Variants in GCNT2 observed in about 807,000 individuals in gnomAD.
The protein encoded by GCNT2 is N-acetyllactosaminide beta-1,6-N-acetylglucosaminyl-transferase.
GCNT2 carries 34 observed loss-of-function variants against 34.2 expected under a neutral mutation model. The ratio of observed to expected loss-of-function variants is 1.00; its 90% CI spans 0.76 to 1.32. The LOEUF (loss-of-function observed/expected upper bound fraction) is 1.32, where lower values mean the gene tolerates loss of function less well. Among genes scored for constraint, GCNT2 ranks in the 40% most tolerant of loss-of-function variants. GCNT2 has a pLI of 0.00. For missense variants in GCNT2, 584 were observed against 489.4 expected (o/e 1.19, Z -1.82); for synonymous variants, 212 against 188.0 (o/e 1.13, Z -1.04).
At chr6:10,574,281 G>A (rs981917412) in intron 3 of GCNT2, among the ~76,000 whole-genome samples, 1 of 152,164 alleles carries the variant, frequency 6.6e-6, no homozygotes, top group African/African-American at 2.4e-5. Flanking sequence ...ACCAGTTTCG[G>A]TGGGCATCAG....
intron 3 of GCNT2, chr6:10,575,358 A>ATTT (rs55639937): frequency 2.6e-4 from 36 of 137,986 alleles, no homozygotes; most frequent in Admixed American, 1.7e-3. Context: ...CTGGGTTGAC[A>ATTT]TTTTTTTTTT....
chr6:10,529,593 C>A lies in GCNT2; in HGVS notation c.682C>A (p.Arg228=), dbSNP rs758159782. 2.5e-6 allele frequency: 4 copies of A among 1,613,996 alleles called. No individual in the cohort carries two copies. Among genetic ancestry groups the A allele is most frequent in the South Asian group, 1.1e-5 (1 of 91,074 alleles). The part of the protein sequence containing the change: ...GVLPPDHAVG[R]TKYVHQELLN... Reference sequence around the variant, plus strand: ...GCTGCCTCCTGACCACGCTGTTGGACGGACTAAATACGTCCACCAAGAACT... The same window carrying A: ...GCTGCCTCCTGACCACGCTGTTGGAAGGACTAAATACGTCCACCAAGAACT... The change falls in exon 3 of 5, where the codon CGG becomes AGG. Residue 228 remains arginine, a synonymous_variant. Transcript: ENST00000495262.
chr6:10,573,968 C>CT (rs1350834761), intron 3 of GCNT2, among the ~76,000 whole-genome samples: 1 of 152,354 alleles, frequency 6.6e-6, no homozygotes, highest in Admixed American at 6.5e-5. Flanking sequence ...GGTCAGGGTG[C>CT]TCAGGGGCCC....
intron 3 of GCNT2, among the ~76,000 whole-genome samples, chr6:10,563,777 A>AATATATATATATATATATAT (rs70991026): frequency 8.1e-5 from 2 of 24,710 alleles, no homozygotes; most frequent in Non-Finnish European, 1.5e-4. Flanking sequence ...AAAAAAAAAA[A>AATATATATATATATATATAT]ATATATATAT....
intron 1 of GCNT2, among the ~76,000 whole-genome samples, chr6:10,522,896 C>T (rs1760986328): frequency 6.6e-6 from 1 of 152,146 alleles, no homozygotes; most frequent in Admixed American, 6.5e-5. Context: ...ATCCTCAACT[C>T]CAGGGTAACT....
intron 3 of GCNT2, among the ~76,000 whole-genome samples, chr6:10,554,731 G>A (rs191284343): frequency 1.3e-5 from 2 of 152,226 alleles, no homozygotes; most frequent in East Asian, 1.9e-4. Flanking sequence ...CTCTTTGCTC[G>A]ATTCCATAGA....
At chr6:10,566,124 CT>C (rs1188531876) in intron 3 of GCNT2, among the ~76,000 whole-genome samples, 2 of 151,970 alleles carry the variant, frequency 1.3e-5, no homozygotes, top group African/African-American at 4.8e-5. Context: ...CATGCAGTCC[CT>C]CTCCCGGGAG....
chr6:10,601,667 C>T (rs766159981), intron 3 of GCNT2, among the ~76,000 whole-genome samples: 1 of 152,096 alleles, frequency 6.6e-6, no homozygotes, highest in Non-Finnish European at 1.5e-5. Flanking sequence ...CTTGGCCAGG[C>T]GCAGTGGCTC....
chr6:10,527,161 C>T (rs139821358), intron 1 of GCNT2, among the ~76,000 whole-genome samples: 2 of 152,260 alleles, frequency 1.3e-5, no homozygotes, highest in African/African-American at 2.4e-5. Context: ...CGGTGGCTCG[C>T]GCCTGTAATC....
At chr6:10,586,877 T>C (rs752028990) in intron 3 of GCNT2, 17 of 1,613,790 alleles carry the variant, frequency 1.1e-5, no homozygotes, top group Admixed American at 1.7e-5. Context: ...CCTATAGTCC[T>C]GATGAGCATT....
chr6:10,585,881 A>T (rs1764320312), intron 3 of GCNT2: 1 of 1,569,982 alleles, frequency 6.4e-7, no homozygotes, highest in African/African-American at 1.4e-5. Context: ...AGCCCTCCGG[A>T]GAAGCTGTCG....
At chr6:10,609,787 C>A (rs1198120042) in intron 3 of GCNT2, among the ~76,000 whole-genome samples, 1 of 151,732 alleles carries the variant, frequency 6.6e-6, no homozygotes, top group Admixed American at 6.6e-5. Context: ...TCCAGGGGAA[C>A]AAATGTAGAA....
In GCNT2 at chr6:10,529,674, C is replaced by T. The variant is rs777630944; in HGVS notation, c.763C>T (p.Pro255Ser). ...AACAACAAAATTAAAAACTCCTCCTCCTCATGACATGGTGATTTACTTTGG... is the reference window on the plus strand; with the variant it reads ...AACAACAAAATTAAAAACTCCTCCTTCTCATGACATGGTGATTTACTTTGG... ...IKTTKLKTPP[P>S]HDMVIYFGTA... The change falls in exon 3 of 5, where the codon CCT (proline) becomes TCT (serine). Residue 255 changes from proline to serine, a missense_variant. By Grantham distance (74) the Pro-to-Ser change is moderately conservative (BLOSUM62 -1). Coordinates refer to ENST00000495262, the MANE Select transcript of GCNT2 (RefSeq NM_145649.5). 1.2e-6 allele frequency: 2 copies of T among 1,614,138 alleles called. No homozygotes were observed. The highest frequency in any genetic ancestry group is 1.7e-6 in the Non-Finnish European group (2 of 1,180,008).
chr6:10,585,292 G>T (rs946541404), intron 3 of GCNT2, among the ~76,000 whole-genome samples: 1 of 151,730 alleles, frequency 6.6e-6, no homozygotes, highest in Non-Finnish European at 1.5e-5. Flanking sequence ...CAATCCTCCC[G>T]CCTCAACCTC....
At chr6:10,530,084 G>GAGC in intron 3 of GCNT2, 1 of 448,614 alleles carries the variant, frequency 2.2e-6, no homozygotes, top group Non-Finnish European at 4.1e-6. Flanking sequence ...AAACGTGACC[G>GAGC]AGCACAGTGG....
At chr6:10,562,123 T>G (rs555511492) in intron 3 of GCNT2, among the ~76,000 whole-genome samples, 118 of 152,260 alleles carry the variant, frequency 7.7e-4, no homozygotes, top group Non-Finnish European at 1.3e-3. Context: ...AACCGTGTGC[T>G]CAGGACCCTT....
chr6:10,560,117 C>G (rs1417413022), intron 3 of GCNT2, among the ~76,000 whole-genome samples: 1 of 152,160 alleles, frequency 6.6e-6, no homozygotes, highest in Non-Finnish European at 1.5e-5. Flanking sequence ...GAGACAGAGT[C>G]TCACTCTGTA....
At chr6:10,586,815 T>C (rs773909442) in intron 3 of GCNT2, 4 of 1,613,808 alleles carry the variant, frequency 2.5e-6, no homozygotes, top group Non-Finnish European at 3.4e-6. Context: ...CTTTGTCGAC[T>C]TTGTTCTACG....
intron 3 of GCNT2, among the ~76,000 whole-genome samples, chr6:10,618,006 C>T (rs1035472715): frequency 3.3e-5 from 5 of 152,066 alleles, no homozygotes; most frequent in Non-Finnish European, 5.9e-5. Context: ...CCGCCCGCCT[C>T]GGCCTCCCAA....
Sources: gnomAD v4.1 joint callset for allele counts (sites outside exome capture counted in the v4.1 genomes callset) on GRCh38, gnomAD v4.1.1 for gene constraint, MANE v1.5 for transcripts, NCBI Gene and HGNC (gene_info 2026-07-23, HGNC 2026-07-21) for gene names.